Variants in NPC1 observed in about 807,000 individuals in gnomAD.
NPC1 encodes NPC intracellular cholesterol transporter 1.
In NPC1, 85 loss-of-function variants were observed where a neutral mutation model predicts 140.4. The observed-to-expected ratio is 0.61, with a 90% CI of 0.51 to 0.72. NPC1 has a LOEUF of 0.72. Ranked by LOEUF, NPC1 falls within the 30% of genes least tolerant of loss-of-function variation. NPC1 has a pLI of 0.00. For missense variants in NPC1, 1,504 were observed against 1,623.8 expected (o/e 0.93, Z 1.27); for synonymous variants, 656 against 624.8 (o/e 1.05, Z -0.74).
rs2058753524 is a variant in NPC1, at chr18:23,544,356, C to T, written c.2118G>A (p.Val706=). Residue 706 remains valine (V), a synonymous_variant, in exon 13 of 25, where the codon GTG becomes GTA. Transcript: ENST00000269228. The part of the protein sequence containing the change: ...AVGVDNIFIL[V]QAYQRDERLQ... ...TATGGAAGTATACCTGGTAGGCCTG[C>T]ACCAGAATGAAGATGTTGTCCACTC... The T allele has an allele frequency of 6.2e-7, 1 of 1,614,110 alleles. No homozygotes were observed. The highest frequency in any genetic ancestry group is 1.1e-5 in the South Asian group (1 of 91,074).
In NPC1 at chr18:23,541,330, C is replaced by T. The variant is rs759628748; in HGVS notation, c.2349G>A (p.Leu783=). Residue 783 remains leucine (L), a synonymous_variant, in exon 15 of 25, where the codon TTG becomes TTA. Coordinates refer to ENST00000269228, the MANE Select transcript of NPC1 (RefSeq NM_000271.5). Reference sequence around the variant, plus strand: ...CCTCTTGACGTTTAATGTCTAACCCCAAGAGACTCACGAAACAGGTAATCT... The same window carrying T: ...CCTCTTGACGTTTAATGTCTAACCCTAAGAGACTCACGAAACAGGTAATCT... The part of the protein sequence containing the change: ...LLQITCFVSL[L]GLDIKRQEKN... 1 of 1,614,068 alleles carries T rather than the reference C, an allele frequency of 6.2e-7. No individual in the cohort carries two copies. The highest frequency in any genetic ancestry group is 8.5e-7 in the Non-Finnish European group (1 of 1,180,048).
intron 4 of NPC1, among the ~76,000 whole-genome samples, chr18:23,564,874 A>AT (rs946655264): frequency 6.6e-6 from 1 of 152,120 alleles, no homozygotes; most frequent in Non-Finnish European, 1.5e-5. Flanking sequence ...CAATTTCATT[A>AT]TTATTTATTT....
chr18:23,521,662 G>A (rs1442532600), downstream of NPC1, among the ~76,000 whole-genome samples: 3 of 150,666 alleles, frequency 2.0e-5, no homozygotes, highest in Non-Finnish European at 4.4e-5. Flanking sequence ...TTTTAAGATA[G>A]AACTGAAAGA....
At position 23,563,989 on chromosome 18, in the gene NPC1, T is replaced by TTG. The variant is rs1292562936; in HGVS notation, c.464-2463_464-2462insCA. On this transcript the variant is annotated intron_variant, in intron 4 of 24. Coordinates refer to ENST00000269228, the MANE Select transcript of NPC1 (RefSeq NM_000271.5). ...TTATTTATCATTGAGTAGTAAGAGT[T>TTG]TTTTTTTTTTTTTTTTGGAGATGGA... 2.5e-4 allele frequency among the ~76,000 whole-genome samples: 34 copies of TTG among 137,494 alleles called. 1 individual carries two copies. Among genetic ancestry groups the TTG allele is most frequent in the African/African-American group, 1.0e-3 (34 of 33,002 alleles). 90.2% of individuals were successfully genotyped at this position (137,494 alleles called of 152,430 possible). A position where few individuals can be genotyped will look rare whatever the true frequency, so the allele number is the denominator to read the frequency against.
chr18:23,573,086 A>G (rs1362133363), intron 2 of NPC1, among the ~76,000 whole-genome samples: 1 of 152,218 alleles, frequency 6.6e-6, no homozygotes, highest in East Asian at 1.9e-4. Flanking sequence ...AGGACGTCAA[A>G]GCCACTTAGC....
intron 10 of NPC1, among the ~76,000 whole-genome samples, chr18:23,551,098 G>A (rs145622915): frequency 5.9e-5 from 9 of 152,274 alleles, no homozygotes; most frequent in African/African-American, 2.2e-4. Context: ...ATTTTGTCAA[G>A]TACAATTGGT....
At chr18:23,585,991 T>C (rs2059413558) in intron 1 of NPC1, among the ~76,000 whole-genome samples, 2 of 152,226 alleles carry the variant, frequency 1.3e-5, no homozygotes, top group African/African-American at 4.8e-5. Flanking sequence ...TATCCCACTC[T>C]ACCCACTTTC....
At chr18:23,534,080 T>G (rs540672313) in intron 23 of NPC1, 5 of 421,990 alleles carry the variant, frequency 1.2e-5, no homozygotes, top group South Asian at 6.9e-5. Flanking sequence ...GGTAAAGAGA[T>G]AGGCTAAGCC....
intron 2 of NPC1, 134 bp downstream of exon 2, chr18:23,573,318 T>C (rs2059229667): frequency 7.9e-7 from 1 of 1,271,048 alleles, no homozygotes; most frequent in African/African-American, 1.5e-5. Flanking sequence ...AGGTTAGAGT[T>C]TGAGAGTCCG....
intron 3 of NPC1, 49 bp downstream of exon 3, chr18:23,572,025 T>G: frequency 8.5e-7 from 1 of 1,180,462 alleles, no homozygotes. Context: ...GCATTACCAG[T>G]TCACAAGTAT....
At chr18:23,528,469 T>G (rs968449569), downstream of NPC1, 1 of 153,544 alleles carries the variant, frequency 6.5e-6, no homozygotes, top group African/African-American at 2.4e-5. Context: ...GGAGAATGAA[T>G]TATTTCAATT....
At position 23,584,771 on chromosome 18, in the gene NPC1, A is replaced by C. The variant is rs560047913; in HGVS notation, c.57+1516T>G. On this transcript the variant is annotated intron_variant, in intron 1 of 24. Transcript: ENST00000269228. ...CTACCTGGGAGGCTGAGGCACCAGA[A>C]TTGCTTGAATCCAGGAGGCAGAGGT... Among the ~76,000 whole-genome samples, 16 of 152,294 alleles carry C rather than the reference A, an allele frequency of 1.1e-4. No individual in the cohort carries two copies. The South Asian group carries it at 3.3e-3, about 32-fold the overall frequency.
chr18:23,543,499 C>A lies in NPC1; in HGVS notation c.2201G>T (p.Ser734Ile), dbSNP rs757475924. 81 of 1,612,306 alleles carry A rather than the reference C, an allele frequency of 5.0e-5. No homozygotes were observed. In the Admixed American group the frequency reaches 5.8e-4, roughly 12 times the overall value. The change falls in exon 14 of 25, where the codon AGT becomes ATT. Residue 734 changes from serine (S) to isoleucine (I), a missense_variant. Physicochemically the swap from Ser to Ile is moderately radical, Grantham distance 142 (BLOSUM62 -2). Transcript: ENST00000269228. Reference protein sequence around the residue: ...LGRVLGEVAPSMFLSSFSETV... With the variant: ...LGRVLGEVAPIMFLSSFSETV... Reference sequence around the variant, plus strand: ...CTCAGAAAAGGATGACAGGAACATACTGGGAGCCACTTCTCCTAGGACCCT... The same window carrying A: ...CTCAGAAAAGGATGACAGGAACATAATGGGAGCCACTTCTCCTAGGACCCT...
chr18:23,541,650 A>G (rs1425459155), intron 14 of NPC1, among the ~76,000 whole-genome samples: 3 of 152,214 alleles, frequency 2.0e-5, no homozygotes, highest in African/African-American at 4.8e-5. Flanking sequence ...GGGAAGCCCC[A>G]TCCTAGTTAT....
downstream of NPC1, among the ~76,000 whole-genome samples, chr18:23,531,076 C>A (rs1012177150): frequency 3.3e-5 from 5 of 151,552 alleles, no homozygotes; most frequent in Admixed American, 3.3e-4. Flanking sequence ...TTCACTGCAA[C>A]CTCCGCTGGG....
At chr18:23,541,481 G>A in intron 14 of NPC1, 48 bp from the exon 15 acceptor site, 3 of 1,613,084 alleles carry the variant, frequency 1.9e-6, no homozygotes, top group Non-Finnish European at 2.5e-6. Context: ...ACAGCCGGGG[G>A]CTCTCTGCAG....
chr18:23,522,066 A>G (rs1380484184), downstream of NPC1, among the ~76,000 whole-genome samples: 1 of 152,194 alleles, frequency 6.6e-6, no homozygotes, highest in Admixed American at 6.5e-5. Context: ...TTCACCCGGG[A>G]GTTCAGAATC....
chr18:23,530,484 AC>A, downstream of NPC1: 1 of 1,614,144 alleles, frequency 6.2e-7, no homozygotes, highest in Non-Finnish European at 8.5e-7. Context: ...GGTGGCCATG[AC>A]AACATTTCTG....
rs770127740 is a variant in NPC1, at chr18:23,556,452, C to T, written c.1117G>A (p.Val373Ile). 5.6e-6 allele frequency: 9 copies of T among 1,614,040 alleles called. No homozygotes were observed. Among genetic ancestry groups the T allele is most frequent in the Non-Finnish European group, 7.6e-6 (9 of 1,180,046 alleles). ...ACSSGLVFVR[V>I]TTNPVDLWSA... is the part of the protein sequence containing the mutation. Reference sequence around the variant, plus strand: ...CAGAGGTCAACTGGATTGGTTGTGACCCGGACAAACACCAGGCCTGACGAA... The same window carrying T: ...CAGAGGTCAACTGGATTGGTTGTGATCCGGACAAACACCAGGCCTGACGAA... Residue 373 changes from valine to isoleucine, a missense_variant, in exon 8 of 25, where the codon GTC becomes ATC. Transcript: ENST00000269228.
Sources: allele counts gnomAD v4.1 joint callset (sites outside exome capture counted in the v4.1 genomes callset), GRCh38; gene constraint gnomAD v4.1.1; transcripts MANE v1.5; gene names NCBI Gene and HGNC (gene_info 2026-07-23, HGNC 2026-07-21).